NDST4: variants seen among roughly 807,000 people sequenced by gnomAD.
NDST4 encodes N-heparan sulfate sulfotransferase 4.
NDST4 carries 63 observed loss-of-function variants against 100.8 expected under a neutral mutation model. The observed-to-expected ratio is 0.62, with a 90% CI of 0.51 to 0.77. NDST4 has a LOEUF of 0.77. Among genes scored for constraint, NDST4 ranks in the 30% least tolerant of loss-of-function variants. The probability of loss-of-function intolerance (pLI) is 0.00; values close to 1 mark genes in which losing one functional copy is unlikely to be tolerated. For synonymous variants in NDST4, 377 were observed against 361.8 expected (o/e 1.04, Z -0.48); for missense variants, 943 against 1,018.4 (o/e 0.93, Z 1.01).
At position 115,054,227 on chromosome 4, in the gene NDST4, A is replaced by G. The variant is rs1451685915; in HGVS notation, c.978+21832T>C. ...TCAATAGTAGAATTATTGGAAAACT[A>G]GACAAAGAAACAGAACTCCTGTATC... On this transcript the variant is annotated intron_variant, in intron 2 of 13. Coordinates refer to ENST00000264363, the MANE Select transcript of NDST4 (RefSeq NM_022569.3). Among the ~76,000 whole-genome samples, 3 of 152,084 alleles carry G rather than the reference A, an allele frequency of 2.0e-5. No homozygotes were observed. The East Asian group carries it at 5.8e-4, about 29-fold the overall frequency.
intron 8 of NDST4, among the ~76,000 whole-genome samples, chr4:114,851,210 T>C (rs971857523): frequency 5.9e-5 from 9 of 152,224 alleles, no homozygotes; most frequent in African/African-American, 9.6e-5. Flanking sequence ...AGTGAATTTA[T>C]AGTCTCTGAC....
chr4:115,079,784 T>C (rs772428279), intron 1 of NDST4, among the ~76,000 whole-genome samples: 2 of 152,194 alleles, frequency 1.3e-5, no homozygotes, highest in Non-Finnish European at 2.9e-5. Flanking sequence ...CTTTTTAGAT[T>C]ACATAGTTAA....
chr4:114,931,509 T>G (rs1233118807), intron 6 of NDST4, among the ~76,000 whole-genome samples: 1 of 151,164 alleles, frequency 6.6e-6, no homozygotes, highest in Non-Finnish European at 1.5e-5. Context: ...AAATAAGGAA[T>G]GCAGCAGAAA....
intron 4 of NDST4, among the ~76,000 whole-genome samples, chr4:114,947,290 A>C (rs992063348): frequency 1.3e-5 from 2 of 152,140 alleles, no homozygotes; most frequent in African/African-American, 4.8e-5. Flanking sequence ...AGTGTAAAGA[A>C]ATTCAGAGCA....
chr4:115,064,255 A>T (rs1433398177), intron 2 of NDST4, among the ~76,000 whole-genome samples: 2 of 152,076 alleles, frequency 1.3e-5, no homozygotes, highest in African/African-American at 4.8e-5. Flanking sequence ...CTTGTTTCTA[A>T]CAAAAAATAG....
chr4:115,113,109 C>G (rs574804771), intron 1 of NDST4, among the ~76,000 whole-genome samples: 1 of 151,988 alleles, frequency 6.6e-6, no homozygotes, highest in East Asian at 1.9e-4. Context: ...AAAATTGGTG[C>G]TTTTAATATG....
rs191545447 is a variant in NDST4 at position 115,007,013 on chromosome 4, C to G, written c.979-29739G>C. Among the ~76,000 whole-genome samples the G allele has an allele frequency of 5.3e-5, 8 of 152,250 alleles. No homozygotes were observed. The East Asian group carries it at 1.5e-3, about 29-fold the overall frequency. On this transcript the variant is annotated intron_variant, in intron 2 of 13. Transcript: ENST00000264363. ...GGCTAGGTTTTATTGCATATTTACT[C>G]TATGTACTTTACATTGGTTAAAGCA... is the stretch of plus-strand genomic sequence containing the variant.
chr4:115,108,904 A>T (rs1729884919), intron 1 of NDST4, among the ~76,000 whole-genome samples: 1 of 151,798 alleles, frequency 6.6e-6, no homozygotes, highest in Non-Finnish European at 1.5e-5. Flanking sequence ...CAATTACACA[A>T]GAGAGCATGT....
In NDST4 at chr4:114,973,475, G is replaced by A. The variant is rs1224958399; in HGVS notation, c.1067-2891C>T. ...AAATTAAACCTTTCACTTCTAATCTGATCTAGATCCTGGTCTAGATAATTA... is the reference window on the plus strand; with the variant it reads ...AAATTAAACCTTTCACTTCTAATCTAATCTAGATCCTGGTCTAGATAATTA... On this transcript the variant is annotated intron_variant, in intron 3 of 13. Transcript: ENST00000264363. Among the ~76,000 whole-genome samples the A allele has an allele frequency of 5.3e-5, 8 of 151,802 alleles. No individual in the cohort carries two copies. In the East Asian group the frequency reaches 1.5e-3, roughly 29 times the overall value.
chr4:114,934,676 A>T (rs1396748781), intron 6 of NDST4, among the ~76,000 whole-genome samples: 2 of 152,064 alleles, frequency 1.3e-5, no homozygotes, highest in Non-Finnish European at 2.9e-5. Context: ...TTCCAGTTAG[A>T]TGGGATGAAT....
intron 8 of NDST4, among the ~76,000 whole-genome samples, chr4:114,851,275 A>C (rs1723670356): frequency 6.6e-6 from 1 of 152,194 alleles, no homozygotes; most frequent in Admixed American, 6.5e-5. Flanking sequence ...ATGACTTCAG[A>C]CTTCTACAAT....
At chr4:114,933,630 C>G (rs1011237705) in intron 6 of NDST4, among the ~76,000 whole-genome samples, 1 of 151,570 alleles carries the variant, frequency 6.6e-6, no homozygotes, top group East Asian at 1.9e-4. Flanking sequence ...ATCCAAAATA[C>G]GTATCAGGAA....
intron 3 of NDST4, among the ~76,000 whole-genome samples, chr4:114,975,806 A>G (rs116563285): frequency 1.3e-5 from 2 of 152,086 alleles, no homozygotes; most frequent in African/African-American, 4.8e-5. Flanking sequence ...TAGCCTTTAA[A>G]GCTATCTGCT....
chr4:114,837,201 G>A (rs1344180932), intron 11 of NDST4, among the ~76,000 whole-genome samples: 1 of 151,962 alleles, frequency 6.6e-6, no homozygotes, highest in Non-Finnish European at 1.5e-5. Context: ...GAGGCATTCT[G>A]GTTTTTGAAA....
chr4:114,846,521 G>C (rs1254442090), intron 9 of NDST4, among the ~76,000 whole-genome samples: 1 of 152,140 alleles, frequency 6.6e-6, no homozygotes, highest in Non-Finnish European at 1.5e-5. Flanking sequence ...TGTAGTATAC[G>C]TAGCGATGTG....
intron 2 of NDST4, among the ~76,000 whole-genome samples, chr4:115,074,075 T>C (rs558791859): frequency 6.6e-6 from 1 of 152,084 alleles, no homozygotes; most frequent in South Asian, 2.1e-4. Flanking sequence ...ATATAGGATA[T>C]AATTCTATCC....
chr4:114,924,617 C>G (rs1481470803), intron 6 of NDST4, among the ~76,000 whole-genome samples: 2 of 152,048 alleles, frequency 1.3e-5, no homozygotes, highest in East Asian at 3.9e-4. Flanking sequence ...AAGTCCCTGT[C>G]TAGAGAAGTA....
chr4:114,851,304 A>G (rs1038400652), intron 8 of NDST4, among the ~76,000 whole-genome samples: 9 of 152,186 alleles, frequency 5.9e-5, no homozygotes, highest in Non-Finnish European at 8.8e-5. Flanking sequence ...AAGAATTACT[A>G]CAACCGTTTT....
chr4:115,048,098 T>A (rs978724024), intron 2 of NDST4, among the ~76,000 whole-genome samples: 1 of 87,246 alleles, frequency 1.1e-5, no homozygotes, highest in Non-Finnish European at 2.0e-5. Context: ...AAGTTTATAA[T>A]TTTTTTTTTT....
Sources: allele counts gnomAD v4.1 joint callset (sites outside exome capture counted in the v4.1 genomes callset), GRCh38; gene constraint gnomAD v4.1.1; transcripts MANE v1.5; gene names NCBI Gene and HGNC (gene_info 2026-07-23, HGNC 2026-07-21).